Variants in YRDC observed in about 807,000 individuals in gnomAD.
YRDC encodes the protein threonylcarbamoyl-AMP synthase.
In YRDC, 17 loss-of-function variants were observed where a neutral mutation model predicts 21.5. The ratio of observed to expected loss-of-function variants is 0.79; its 90% CI spans 0.54 to 1.19. The LOEUF (loss-of-function observed/expected upper bound fraction) is 1.19. YRDC is among the 50% of genes most tolerant of loss of function. The probability of loss-of-function intolerance (pLI) is 0.00; values close to 1 mark genes in which losing one functional copy is unlikely to be tolerated. For synonymous variants in YRDC, 193 were observed against 176.7 expected, an observed-to-expected ratio of 1.09 and a Z score of -0.73; for missense variants, 380 against 397.1, an observed-to-expected ratio of 0.96 and a Z score of 0.37.
At chr1:37,807,311 G>A (rs1461571435) in intron 1 of YRDC, 96 bp from the exon 2 acceptor site, 1 of 1,174,900 alleles carries the variant, frequency 8.5e-7, no homozygotes, top group African/African-American at 1.5e-5. Context: ...AATCCTTCGA[G>A]TTTACAATGG....
Position 37,808,003 on chromosome 1 carries a change from T to C in YRDC, c.178A>G (p.Ser60Gly), listed in dbSNP as rs2148392392. Residue 60 changes from serine (S) to glycine (G), a missense_variant, in exon 1 of 5, where the codon AGC becomes GGC. Ser to Gly is a moderately conservative substitution (Grantham distance 56). Around this residue, in one of 3 missense-constraint regions of YRDC, gnomAD observed 51 missense variants for 95.9 expected, o/e 0.53. Coordinates refer to ENST00000373044, the MANE Select transcript of YRDC (RefSeq NM_024640.4). ...TCGGTCCAGCCGGCGCGCTCCGGGC[T>C]CGCGGCCTGCACGGCCCCGCTCCCC... ...LPGSGAVQAA[S>G]PERAGWTEAL... is the part of the protein sequence containing the mutation. 8.3e-7 allele frequency: 1 copy of C among 1,208,576 alleles called. No individual in the cohort carries two copies. The highest frequency in any genetic ancestry group is 3.8e-5 in the South Asian group (1 of 26,130). The allele number at this position is 1,208,576 out of a possible 1,614,324, so 74.9% of individuals were successfully genotyped here. A position where few individuals can be genotyped will look rare whatever the true frequency, so the allele number is the denominator to read the frequency against.
intron 1 of YRDC, 147 bp from the exon 2 acceptor site, chr1:37,807,362 G>T: frequency 1.3e-6 from 1 of 778,032 alleles, no homozygotes; most frequent in Non-Finnish European, 2.0e-6. Flanking sequence ...AAGAGCTTGA[G>T]CAGAAAGCAG....
rs1188958074 is a variant in YRDC at position 37,803,621 on chromosome 1, A to C, written c.*304T>G. 9.2e-6 allele frequency: 3 copies of C among 326,398 alleles called. No individual in the cohort carries two copies. The highest frequency in any genetic ancestry group is 2.1e-5 in the African/African-American group (1 of 47,544). The allele number at this position is 326,398 out of a possible 1,614,324, so 20.2% of individuals were successfully genotyped here. On this transcript the variant is annotated 3_prime_UTR_variant, in exon 5 of 5. Coordinates refer to ENST00000373044, the MANE Select transcript of YRDC (RefSeq NM_024640.4). ...AAATCTGTTATTTAATTACTTTTCA[A>C]TTGAAAAACAAAACAGACAGAAGAA...
At chr1:37,805,833 G>A (rs1173354481) in intron 3 of YRDC, among the ~76,000 whole-genome samples, 1 of 152,146 alleles carries the variant, frequency 6.6e-6, no homozygotes, top group African/African-American at 2.4e-5. Flanking sequence ...GTATCTCTAT[G>A]TGACTGCACG....
intron 3 of YRDC, among the ~76,000 whole-genome samples, chr1:37,805,044 C>T (rs891052854): frequency 6.6e-6 from 1 of 151,786 alleles, no homozygotes; most frequent in African/African-American, 2.4e-5. Flanking sequence ...TCTCTTGAGG[C>T]CAGGAGTTTG....
At position 37,803,356 on chromosome 1, in the gene YRDC, G is replaced by A. The variant is rs1167550458; in HGVS notation, c.*569C>T. ...CTGGTTCTAGCTTCAGGAGCCTTTG[G>A]TCACCTGAGACTTTTTATTTATTAA... On this transcript the variant is annotated 3_prime_UTR_variant, in exon 5 of 5. Coordinates refer to ENST00000373044, the MANE Select transcript of YRDC (RefSeq NM_024640.4). 1 of 152,766 alleles carries A rather than the reference G, an allele frequency of 6.5e-6. No homozygotes were observed. The highest frequency in any genetic ancestry group is 1.5e-5 in the Non-Finnish European group (1 of 68,472). The allele number at this position is 152,766 out of a possible 1,614,324, so 9.5% of individuals were successfully genotyped here.
rs1054180443 is a variant in YRDC, at chr1:37,807,714, C to T, written c.389+78G>A. 29 of 1,379,422 alleles carry T rather than the reference C, an allele frequency of 2.1e-5. No homozygotes were observed. In the African/African-American group the frequency reaches 3.6e-4, roughly 17 times the overall value. 85.4% of individuals were successfully genotyped at this position (1,379,422 alleles called of 1,614,324 possible). On this transcript the variant is annotated intron_variant, in intron 1 of 4. Coordinates refer to ENST00000373044, the MANE Select transcript of YRDC (RefSeq NM_024640.4). ...GGACAAGCCCCTCCCGCTCTCTGCG[C>T]CTCAGTCTCCCAAGCCTGTCACCGG...
At chr1:37,807,510 A>T in intron 1 of YRDC, 3 of 598,330 alleles carry the variant, frequency 5.0e-6, no homozygotes. Context: ...CTATTAAATT[A>T]AGCTACTGTG....
chr1:37,804,221 C>G, intron 4 of YRDC, 81 bp downstream of exon 4: 1 of 1,557,274 alleles, frequency 6.4e-7, no homozygotes, highest in Non-Finnish European at 8.7e-7. Flanking sequence ...TAGGAGGCAC[C>G]ATCTTTATCT....
chr1:37,807,039 C>A, intron 2 of YRDC, 62 bp downstream of exon 2: 1 of 1,613,944 alleles, frequency 6.2e-7, no homozygotes, highest in Non-Finnish European at 8.5e-7. Flanking sequence ...TAAGTCTTAT[C>A]TGGATCCTAG....
chr1:37,807,539 G>C, intron 1 of YRDC: 2 of 684,312 alleles, frequency 2.9e-6, no homozygotes, highest in Non-Finnish European at 4.6e-6. Context: ...CTTTTTTCCC[G>C]GGGGCCTCCC....
Position 37,803,331 on chromosome 1 carries a change from C to G in YRDC, c.*594G>C, listed in dbSNP as rs1646714631. ...GTGGCTCTTCAATCTTTATCCAAAC[C>G]TGGTTCTAGCTTCAGGAGCCTTTGG... is the stretch of plus-strand genomic sequence containing the variant. On this transcript the variant is annotated 3_prime_UTR_variant, in exon 5 of 5. Coordinates refer to ENST00000373044, the MANE Select transcript of YRDC (RefSeq NM_024640.4). 1 of 152,674 alleles carries G rather than the reference C, an allele frequency of 6.5e-6. No individual in the cohort carries two copies. Among genetic ancestry groups the G allele is most frequent in the Non-Finnish European group, 1.5e-5 (1 of 68,418 alleles). The allele number at this position is 152,674 out of a possible 1,614,324, so 9.5% of individuals were successfully genotyped here. A position where few individuals can be genotyped will look rare whatever the true frequency, so the allele number is the denominator to read the frequency against.
intron 1 of YRDC, 110 bp from the exon 2 acceptor site, chr1:37,807,325 C>A (rs1167189829): frequency 9.9e-7 from 1 of 1,006,616 alleles, no homozygotes; most frequent in Non-Finnish European, 1.5e-6. Context: ...ACAATGGGAG[C>A]CGCCTGTCTC....
At chr1:37,806,345 C>A (rs1327486946) in intron 3 of YRDC, among the ~76,000 whole-genome samples, 2 of 152,136 alleles carry the variant, frequency 1.3e-5, no homozygotes, top group African/African-American at 4.8e-5. Context: ...GGATTACAGG[C>A]ATGCGCCACC....
chr1:37,806,776 G>A (rs1431488780), intron 3 of YRDC, 81 bp downstream of exon 3: 1 of 1,597,222 alleles, frequency 6.3e-7, no homozygotes, highest in Non-Finnish European at 8.6e-7. Flanking sequence ...GGCCATCCCA[G>A]TGTACTATCA....
At chr1:37,804,542 A>G (rs972180623) in intron 3 of YRDC, 98 bp from the exon 4 acceptor site, 18 of 1,412,666 alleles carry the variant, frequency 1.3e-5, no homozygotes, top group South Asian at 3.0e-5. Flanking sequence ...GTCTTAAAAC[A>G]GAAGGCACTT....
chr1:37,807,070 G>C (rs376791815), intron 2 of YRDC, 31 bp downstream of exon 2: 3 of 1,613,946 alleles, frequency 1.9e-6, no homozygotes, highest in Admixed American at 1.7e-5. Context: ...GTGGCCTGGA[G>C]TCTGGGGACA....
At chr1:37,806,695 T>C (rs1450825972) in intron 3 of YRDC, among the ~76,000 whole-genome samples, 162 bp downstream of exon 3, 1 of 152,188 alleles carries the variant, frequency 6.6e-6, no homozygotes, top group Non-Finnish European at 1.5e-5. Context: ...TTTTTTAATT[T>C]ATATTGCCCC....
intron 3 of YRDC, among the ~76,000 whole-genome samples, chr1:37,806,602 A>C (rs186286281): frequency 6.6e-6 from 1 of 152,336 alleles, no homozygotes; most frequent in African/African-American, 2.4e-5. Context: ...TTGTTCTTAT[A>C]ATCTTTCCTA....
Sources: allele counts gnomAD v4.1 joint callset (sites outside exome capture counted in the v4.1 genomes callset), GRCh38; gene constraint gnomAD v4.1.1; regional missense constraint gnomAD v4.1.1; transcripts MANE v1.5; gene names NCBI Gene and HGNC (gene_info 2026-07-23, HGNC 2026-07-21).